The following PASD1 variants were observed in gnomAD, a reference collection of about 807,000 sequenced individuals.
PASD1 encodes the protein circadian clock protein PASD1.
PASD1 carries 13 observed loss-of-function variants against 58.8 expected under a neutral mutation model. That is an observed-to-expected ratio of 0.22 (90% CI 0.14 to 0.35). The LOEUF (loss-of-function observed/expected upper bound fraction) is 0.35, where lower values mean the gene tolerates loss of function less well. PASD1 is among the 10% of genes least tolerant of loss of function. The pLI, the probability that PASD1 is intolerant of heterozygous loss-of-function variation, is 1.00. For missense variants in PASD1, 734 were observed against 568.3 expected (o/e 1.29, Z -2.96); for synonymous variants, 236 against 216.7 (o/e 1.09, Z -0.78).
At chrX:151,622,215 T>A (rs996368740) in intron 6 of PASD1, among the ~76,000 whole-genome samples, 1 of 111,035 alleles carries the variant, frequency 9.0e-6, no homozygotes, top group African/African-American at 3.3e-5. Context: ...TTTTGAGGTT[T>A]CAGAAACTGC....
chrX:151,619,863 T>C (rs1360702947), intron 4 of PASD1, among the ~76,000 whole-genome samples: 1 of 111,617 alleles, frequency 9.0e-6, no homozygotes, highest in Non-Finnish European at 1.9e-5. Context: ...AGAGTTATAA[T>C]TGAAGTGAGA....
At chrX:151,605,826 G>A (rs905437449) in intron 3 of PASD1, among the ~76,000 whole-genome samples, 10 of 111,362 alleles carry the variant, frequency 9.0e-5, no homozygotes, top group African/African-American at 3.3e-4. Flanking sequence ...CTGGGCTCAA[G>A]CGATCCACCT....
At chrX:151,628,041 T>C (rs1169587746) in intron 8 of PASD1, among the ~76,000 whole-genome samples, 10 of 111,764 alleles carry the variant, frequency 8.9e-5, no homozygotes, top group African/African-American at 3.3e-4. Flanking sequence ...CGCCCACTTG[T>C]TGATGGGGCT....
chrX:151,620,991 A>G lies in PASD1; in HGVS notation c.269A>G (p.Tyr90Cys), dbSNP rs2045971741. Reference sequence around the variant, plus strand: ...CCTGATGAAGAGAAAGATGAAGTCTACCAAAAGATTATTCTCAAATTTCCT... The same window carrying G: ...CCTGATGAAGAGAAAGATGAAGTCTGCCAAAAGATTATTCTCAAATTTCCT... ...LLPDEEKDEVYQKIILKFPLL... is the reference protein window; with the variant it reads ...LLPDEEKDEVCQKIILKFPLL... The change falls in exon 5 of 16, where the codon TAC becomes TGC. Residue 90 changes from tyrosine to cysteine, a missense_variant. Coordinates refer to ENST00000370357, the MANE Select transcript of PASD1 (RefSeq NM_173493.3). 1 of 1,201,940 alleles carries G rather than the reference A, an allele frequency of 8.3e-7. No homozygotes were observed. The highest frequency in any genetic ancestry group is 1.1e-6 in the Non-Finnish European group (1 of 890,475).
intron 11 of PASD1, among the ~76,000 whole-genome samples, chrX:151,669,930 A>C (rs1434733740): frequency 1.8e-5 from 2 of 111,980 alleles, no homozygotes; most frequent in Non-Finnish European, 3.8e-5. Context: ...TTGCTGGATC[A>C]TACGGTAGTT....
At chrX:151,633,201 C>A (rs2013890375) in intron 8 of PASD1, among the ~76,000 whole-genome samples, 1 of 111,345 alleles carries the variant, frequency 9.0e-6, no homozygotes, top group Non-Finnish European at 1.9e-5. Flanking sequence ...CCGAGTCATT[C>A]CATGAAGAGC....
intron 3 of PASD1, among the ~76,000 whole-genome samples, chrX:151,606,134 T>G (rs1247337722): frequency 9.0e-6 from 1 of 111,229 alleles, no homozygotes; most frequent in African/African-American, 3.3e-5. Flanking sequence ...TCCTTTCCAC[T>G]TTTTTCCCCT....
intron 11 of PASD1, among the ~76,000 whole-genome samples, chrX:151,668,140 G>C (rs1007272655): frequency 9.0e-6 from 1 of 110,903 alleles, no homozygotes; most frequent in Non-Finnish European, 1.9e-5. Context: ...TTGGCTGTGC[G>C]CTTGTCATAG....
intron 8 of PASD1, among the ~76,000 whole-genome samples, chrX:151,633,967 T>G (rs1602945240): frequency 8.9e-6 from 1 of 112,228 alleles, no homozygotes; most frequent in East Asian, 2.8e-4. Flanking sequence ...CACAATATAG[T>G]TGCCCAGCTT....
chrX:151,676,010 A>AG lies in PASD1; in HGVS notation c.2191dup (p.Val731GlyfsTer8). On this transcript the variant is annotated frameshift_variant, in exon 16 of 16. Coordinates refer to ENST00000370357, the MANE Select transcript of PASD1 (RefSeq NM_173493.3). LOFTEE classifies it low-confidence loss of function (END_TRUNC). The stretch of plus-strand genomic sequence containing the variant: ...TTTTCCTGGCAGGTGCAAGTTTCTG[A>AG]GGTAGGAGTCGAGGGACCTCCTGAT... The AG allele has an allele frequency of 8.3e-7, 1 of 1,211,250 alleles. No individual in the cohort carries two copies. The highest frequency in any genetic ancestry group is 1.1e-6 in the Non-Finnish European group (1 of 895,134).
intron 1 of PASD1, among the ~76,000 whole-genome samples, chrX:151,592,116 G>A (rs1292767636): frequency 8.9e-6 from 1 of 112,002 alleles, no homozygotes; most frequent in Non-Finnish European, 1.9e-5. Flanking sequence ...CAAAGTTATT[G>A]TAGGTATTTT....
rs1005034060 is a variant in PASD1, at chrX:151,653,848, C to T, written c.717+5146C>T. ...CTTCCTTCCTTCCTTCCTTCCTTCC[C>T]TCCCTCCCTCCCTCCCTCCCTCTTT... On this transcript the variant is annotated intron_variant, in intron 9 of 15. Transcript: ENST00000370357. 2.0e-3 allele frequency among the ~76,000 whole-genome samples: 50 copies of T among 25,047 alleles called. 1 individual carries two copies. Among genetic ancestry groups the T allele is most frequent in the African/African-American group, 4.0e-3 (35 of 8,813 alleles). The allele number at this position is 25,047 out of a possible 115,157, so 21.8% of individuals were successfully genotyped here. A position where few individuals can be genotyped will look rare whatever the true frequency, so the allele number is the denominator to read the frequency against.
Position 151,621,466 on chromosome X carries a change from C to T in PASD1, c.308-16C>T, listed in dbSNP as rs1202682071. On this transcript the variant is annotated splice_polypyrimidine_tract_variant and intron_variant, in intron 5 of 15. Transcript: ENST00000370357. ...ACAAATGTAGACTTGTTTTGTATTT[C>T]TTCTCTTTTTACTAGAAACACATAT... 5.3e-6 allele frequency: 6 copies of T among 1,129,135 alleles called. No individual in the cohort carries two copies. The highest frequency in any genetic ancestry group is 2.9e-4 in the Middle Eastern group (1 of 3,485). 93.1% of individuals were successfully genotyped at this position (1,129,135 alleles called of 1,213,427 possible).
intron 9 of PASD1, among the ~76,000 whole-genome samples, chrX:151,653,524 A>G (rs2014162415): frequency 9.1e-6 from 1 of 110,349 alleles, no homozygotes; most frequent in South Asian, 3.9e-4. Context: ...GAGCCCTTAC[A>G]TTTGTTGGCA....
intron 11 of PASD1, among the ~76,000 whole-genome samples, chrX:151,664,581 CTCT>C (rs747757551): frequency 8.9e-5 from 10 of 112,349 alleles, no homozygotes; most frequent in Admixed American, 4.7e-4. Flanking sequence ...AATCCCTGTG[CTCT>C]TCTTAATATG....
At position 151,672,182 on chromosome X, in the gene PASD1, G is replaced by C; in HGVS notation, c.1438-1G>C. The C allele has an allele frequency of 1.7e-6, 2 of 1,147,143 alleles. No homozygotes were observed. Among genetic ancestry groups the C allele is most frequent in the Non-Finnish European group, 2.3e-6 (2 of 866,555 alleles). The allele number at this position is 1,147,143 out of a possible 1,213,427, so 94.5% of individuals were successfully genotyped here. A position where few individuals can be genotyped will look rare whatever the true frequency, so the allele number is the denominator to read the frequency against. On this transcript the variant is annotated splice_acceptor_variant, in intron 13 of 15. Coordinates refer to ENST00000370357, the MANE Select transcript of PASD1 (RefSeq NM_173493.3). LOFTEE classifies it high-confidence loss of function. ...CTTTTATCTGTTGCCTTTCGATGCA[G>C]CAGCAACTGGTGCAGCAAGAACAAC... is the stretch of plus-strand genomic sequence containing the variant.
intron 3 of PASD1, among the ~76,000 whole-genome samples, chrX:151,609,547 T>C (rs2013527555): frequency 8.9e-6 from 1 of 112,152 alleles, no homozygotes; most frequent in South Asian, 3.6e-4. Flanking sequence ...GAACTTCATA[T>C]AAATGGAATC....
At chrX:151,672,761 G>T in intron 14 of PASD1, 100 bp downstream of exon 14, 1 of 1,122,719 alleles carries the variant, frequency 8.9e-7, no homozygotes, top group Non-Finnish European at 1.2e-6. Flanking sequence ...CTATCCATGT[G>T]GCACCAGCGT....
At chrX:151,564,465 T>G (rs2012797884) in intron 1 of PASD1, among the ~76,000 whole-genome samples, 1 of 111,148 alleles carries the variant, frequency 9.0e-6, no homozygotes, top group African/African-American at 3.3e-5. Context: ...TTTCAAATGA[T>G]GAGGAGTTTA....
Sources: allele counts gnomAD v4.1 joint callset (sites outside exome capture counted in the v4.1 genomes callset), GRCh38; gene constraint gnomAD v4.1.1; transcripts MANE v1.5; gene names NCBI Gene and HGNC (gene_info 2026-07-23, HGNC 2026-07-21).